Variants in TPD52L1 observed in about 807,000 individuals in gnomAD.
The protein encoded by TPD52L1 is TPD52 like 1.
Under a neutral mutation model 28.7 loss-of-function variants are expected in TPD52L1, and 18 were observed. The ratio of observed to expected loss-of-function variants is 0.63; its 90% CI spans 0.43 to 0.93. The LOEUF (loss-of-function observed/expected upper bound fraction) is 0.93. TPD52L1 is among the 40% of genes least tolerant of loss of function. The pLI, the probability that TPD52L1 is intolerant of heterozygous loss-of-function variation, is 0.00. For synonymous variants in TPD52L1, 75 were observed against 88.8 expected (o/e 0.84, Z 0.88); for missense variants, 203 against 254.8 (o/e 0.80, Z 1.39).
chr6:125,172,197 CTTTCTTTCTTCT>C (rs1791445046), intron 1 of TPD52L1, among the ~76,000 whole-genome samples: 4 of 111,628 alleles, frequency 3.6e-5, no homozygotes, highest in African/African-American at 1.0e-4. Context: ...TTCTTTCTTT[CTTTCTTTCTTCT>C]TTCTTTCTTT....
rs552856615 is a variant in TPD52L1 at position 125,242,693 on chromosome 6, C to T, written c.285-5589C>T. Among the ~76,000 whole-genome samples the T allele has an allele frequency of 9.9e-5, 15 of 152,056 alleles. No homozygotes were observed. In the South Asian group the frequency reaches 2.1e-3, roughly 21 times the overall value. Reference sequence around the variant, plus strand: ...AGTTGATGTGATTCCTTTTGTGTTACGTGAGTCTCTTGAAGACAGCAGATA... The same window carrying T: ...AGTTGATGTGATTCCTTTTGTGTTATGTGAGTCTCTTGAAGACAGCAGATA... On this transcript the variant is annotated intron_variant, in intron 3 of 6. Coordinates refer to ENST00000534000, the MANE Select transcript of TPD52L1 (RefSeq NM_003287.4).
At chr6:125,182,139 T>A (rs1341215184) in intron 1 of TPD52L1, among the ~76,000 whole-genome samples, 1 of 152,182 alleles carries the variant, frequency 6.6e-6, no homozygotes, top group African/African-American at 2.4e-5. Context: ...AGATGATGAG[T>A]AACTGCCTGG....
chr6:125,256,202 T>G (rs374688131), intron 5 of TPD52L1, among the ~76,000 whole-genome samples: 9 of 151,926 alleles, frequency 5.9e-5, no homozygotes, highest in African/African-American at 2.2e-4. Context: ...TCAAAAAAAA[T>G]AGCTGGATGT....
intron 1 of TPD52L1, among the ~76,000 whole-genome samples, chr6:125,161,535 G>T (rs946951081): frequency 5.9e-5 from 9 of 152,112 alleles, no homozygotes; most frequent in African/African-American, 2.2e-4. Flanking sequence ...TGAGAGATTT[G>T]TGTCTCTATG....
chr6:125,188,970 T>A (rs1792852768), intron 1 of TPD52L1, among the ~76,000 whole-genome samples: 1 of 152,242 alleles, frequency 6.6e-6, no homozygotes, highest in South Asian at 2.1e-4. Context: ...AGCCTTGCAA[T>A]ACTTTTAGAG....
At chr6:125,233,625 T>G (rs3799737) in intron 3 of TPD52L1, among the ~76,000 whole-genome samples, 6,945 of 152,236 alleles carry the variant, frequency 0.046, 174 homozygotes, top group Middle Eastern at 0.078. Context: ...ATCTTAAATG[T>G]TTTTTTGTAT....
intron 1 of TPD52L1, among the ~76,000 whole-genome samples, chr6:125,210,961 A>T (rs1027827685): frequency 1.3e-5 from 2 of 152,132 alleles, no homozygotes; most frequent in Non-Finnish European, 2.9e-5. Context: ...ATATCACTAT[A>T]CTATCTTGCA....
intron 3 of TPD52L1, among the ~76,000 whole-genome samples, chr6:125,244,613 G>T (rs1350181008): frequency 6.6e-6 from 1 of 152,168 alleles, no homozygotes; most frequent in African/African-American, 2.4e-5. Flanking sequence ...CTTGAATCTG[G>T]AGTGTGTTCC....
intron 1 of TPD52L1, among the ~76,000 whole-genome samples, chr6:125,160,084 C>T (rs1432367508): frequency 6.6e-6 from 1 of 152,120 alleles, no homozygotes; most frequent in Admixed American, 6.5e-5. Context: ...GCCTCCCCAG[C>T]CATGCGGAAC....
chr6:125,233,159 G>T (rs1461198082), intron 3 of TPD52L1, among the ~76,000 whole-genome samples: 1 of 152,074 alleles, frequency 6.6e-6, no homozygotes, highest in Non-Finnish European at 1.5e-5. Flanking sequence ...CAATCTAAAT[G>T]GTAAGTCGAC....
intron 1 of TPD52L1, among the ~76,000 whole-genome samples, chr6:125,166,757 G>A (rs184907884): frequency 1.4e-3 from 200 of 147,112 alleles, no homozygotes; most frequent in African/African-American, 4.9e-3. Context: ...AATATTGAGA[G>A]AGCAAATGAC....
chr6:125,229,397 G>A, intron 3 of TPD52L1, 131 bp downstream of exon 3: 1 of 872,634 alleles, frequency 1.1e-6, no homozygotes, highest in East Asian at 2.9e-5. Context: ...TTCTCTAAAA[G>A]CAAAGCAAAG....
chr6:125,154,244 C>A (rs1451677477), intron 1 of TPD52L1: 3 of 1,254,836 alleles, frequency 2.4e-6, no homozygotes, highest in African/African-American at 1.5e-5. Flanking sequence ...TCTTCCGCAG[C>A]CAGTCGCCCC....
At chr6:125,256,780 C>T (rs1797629133) in intron 5 of TPD52L1, among the ~76,000 whole-genome samples, 1 of 152,192 alleles carries the variant, frequency 6.6e-6, no homozygotes, top group Admixed American at 6.5e-5. Flanking sequence ...TTAAGCTACC[C>T]ATTGCTCCAC....
intron 5 of TPD52L1, among the ~76,000 whole-genome samples, chr6:125,256,647 A>T (rs1358278192): frequency 6.6e-6 from 1 of 152,270 alleles, no homozygotes; most frequent in African/African-American, 2.4e-5. Context: ...AAATAACTTT[A>T]AAAAATGCCA....
At chr6:125,183,211 C>T (rs1242780851) in intron 1 of TPD52L1, among the ~76,000 whole-genome samples, 1 of 152,140 alleles carries the variant, frequency 6.6e-6, no homozygotes, top group East Asian at 1.9e-4. Flanking sequence ...GGTGTGGTGG[C>T]TCACACCTAT....
chr6:125,172,560 T>C (rs1461048924), intron 1 of TPD52L1, among the ~76,000 whole-genome samples: 2 of 94,128 alleles, frequency 2.1e-5, no homozygotes, highest in African/African-American at 9.4e-5. Context: ...ATAATATATA[T>C]ACTATATGGC....
intron 3 of TPD52L1, among the ~76,000 whole-genome samples, chr6:125,231,606 GTTT>G (rs1345351226): frequency 4.0e-5 from 4 of 98,890 alleles, no homozygotes; most frequent in African/African-American, 2.1e-4. Flanking sequence ...CAGAGTTTGA[GTTT>G]TTGTTGTTGT....
rs35969302 is a variant in TPD52L1, at chr6:125,187,928, A to ATTT, written c.20-32139_20-32137dup. On this transcript the variant is annotated intron_variant, in intron 1 of 6. Coordinates refer to ENST00000534000, the MANE Select transcript of TPD52L1 (RefSeq NM_003287.4). ...TCAAACACTGGGAAACTAAACTGAGATTTTTTTTTTTTTAATGATGTCGAG... is the reference window on the plus strand; with the variant it reads ...TCAAACACTGGGAAACTAAACTGAGATTTTTTTTTTTTTTTTAATGATGTCGAG... 5.3e-3 allele frequency among the ~76,000 whole-genome samples: 780 copies of ATTT among 147,616 alleles called. 7 individuals carry two copies. The highest frequency in any genetic ancestry group is 0.019 in the African/African-American group (751 of 40,302).
Sources: gnomAD v4.1 joint callset for allele counts (sites outside exome capture counted in the v4.1 genomes callset) on GRCh38, gnomAD v4.1.1 for gene constraint, MANE v1.5 for transcripts, NCBI Gene and HGNC (gene_info 2026-07-23, HGNC 2026-07-21) for gene names.